Variants in TAFA5 observed in about 807,000 individuals in gnomAD.
TAFA5 encodes the protein TAFA chemokine like family member 5.
In TAFA5, 6 loss-of-function variants were observed where a neutral mutation model predicts 15.3. The observed-to-expected ratio is 0.39, with a 90% CI of 0.21 to 0.77. The LOEUF (loss-of-function observed/expected upper bound fraction) is 0.77, where lower values mean the gene tolerates loss of function less well. Ranked by LOEUF, TAFA5 falls within the 30% of genes least tolerant of loss-of-function variation. TAFA5 has a pLI of 0.41. For synonymous variants in TAFA5, 103 were observed against 80.7 expected (o/e 1.28, Z -1.48); for missense variants, 161 against 193.1 (o/e 0.83, Z 0.98).
At chr22:48,743,860 G>A (rs775512387) in intron 3 of TAFA5, among the ~76,000 whole-genome samples, 2 of 152,208 alleles carry the variant, frequency 1.3e-5, no homozygotes, top group Admixed American at 6.5e-5. Flanking sequence ...TGATCCGTCC[G>A]CACATTCCTC....
intron 2 of TAFA5, among the ~76,000 whole-genome samples, chr22:48,700,554 G>A (rs1928873057): frequency 2.6e-5 from 4 of 152,216 alleles, no homozygotes; most frequent in Admixed American, 2.6e-4. Context: ...GAAAGGAGGG[G>A]AGCGGAAGCG....
At chr22:48,700,639 G>A (rs1234099323) in intron 2 of TAFA5, among the ~76,000 whole-genome samples, 1 of 152,174 alleles carries the variant, frequency 6.6e-6, no homozygotes, top group African/African-American at 2.4e-5. Flanking sequence ...GTGTGCACGT[G>A]GATGTGCATG....
chr22:48,644,036 C>T lies in TAFA5; in HGVS notation c.113-2561C>T, dbSNP rs575338157. On this transcript the variant is annotated intron_variant, in intron 1 of 3. Coordinates refer to ENST00000402357, the MANE Select transcript of TAFA5 (RefSeq NM_001082967.3). ...GTGTTGCCCCACAGCATGGCTTTGA[C>T]GCAGTAACCGCTGTTATCCAGAGAG... 5.3e-5 allele frequency among the ~76,000 whole-genome samples: 8 copies of T among 152,356 alleles called. No individual in the cohort carries two copies. The East Asian group carries it at 9.6e-4, about 18-fold the overall frequency.
At chr22:48,605,742 C>T (rs977060486) in intron 1 of TAFA5, among the ~76,000 whole-genome samples, 2 of 152,142 alleles carry the variant, frequency 1.3e-5, no homozygotes, top group Admixed American at 6.5e-5. Flanking sequence ...CTTTGCCCCT[C>T]TCACCCTGTG....
intron 2 of TAFA5, among the ~76,000 whole-genome samples, chr22:48,689,061 C>T (rs1301393960): frequency 6.6e-6 from 1 of 150,912 alleles, no homozygotes; most frequent in Admixed American, 6.6e-5. Flanking sequence ...CTAAGCACAA[C>T]ATGAAATGGC....
At chr22:48,570,634 G>A (rs1398964198) in intron 1 of TAFA5, among the ~76,000 whole-genome samples, 1 of 152,180 alleles carries the variant, frequency 6.6e-6, no homozygotes, top group Non-Finnish European at 1.5e-5. Context: ...TTTGAACAGT[G>A]AAAAACACGG....
At position 48,674,720 on chromosome 22, in the gene TAFA5, AG is replaced by A. The variant is rs368745679; in HGVS notation, c.262+27980del. 2.4e-4 allele frequency among the ~76,000 whole-genome samples: 36 copies of A among 152,104 alleles called. No homozygotes were observed. In the South Asian group the frequency reaches 3.3e-3, roughly 14 times the overall value. On this transcript the variant is annotated intron_variant, in intron 2 of 3. Coordinates refer to ENST00000402357, the MANE Select transcript of TAFA5 (RefSeq NM_001082967.3). ...CCTCGTTCAGGGAGACGCCGTGGGG[AG>A]GGGGGCCACCTTAGCTTGCCCGTTG...
intron 2 of TAFA5, among the ~76,000 whole-genome samples, chr22:48,665,534 C>G (rs539114164): frequency 3.6e-4 from 43 of 118,164 alleles, no homozygotes; most frequent in African/African-American, 1.5e-3. Context: ...TTGGGTCTAC[C>G]AGCCGTTTCT....
chr22:48,539,804 C>T (rs985737099), intron 1 of TAFA5, among the ~76,000 whole-genome samples: 6 of 152,200 alleles, frequency 3.9e-5, no homozygotes, highest in East Asian at 1.9e-4. Context: ...ACCCCCAGGA[C>T]GTGATACGTC....
At chr22:48,698,355 T>C (rs1928793224) in intron 2 of TAFA5, among the ~76,000 whole-genome samples, 1 of 150,586 alleles carries the variant, frequency 6.6e-6, no homozygotes, top group East Asian at 2.0e-4. Context: ...GCATCCCAGC[T>C]ACTCAGGAGG....
At chr22:48,696,072 C>T (rs1928701866) in intron 2 of TAFA5, among the ~76,000 whole-genome samples, 1 of 152,172 alleles carries the variant, frequency 6.6e-6, no homozygotes, top group Non-Finnish European at 1.5e-5. Context: ...CCGTAGAATT[C>T]AGAGGCATGT....
chr22:48,628,795 A>G lies in TAFA5; in HGVS notation c.113-17802A>G, dbSNP rs187152687. The stretch of plus-strand genomic sequence containing the variant: ...TGCTGCAAACAGCTCCGCGGCCACC[A>G]ACAGTTATGGGAAGTATCAGACACA... On this transcript the variant is annotated intron_variant, in intron 1 of 3. Coordinates refer to ENST00000402357, the MANE Select transcript of TAFA5 (RefSeq NM_001082967.3). Among the ~76,000 whole-genome samples the G allele has an allele frequency of 2.4e-3, 368 of 152,310 alleles. 2 individuals carry two copies. The highest frequency in any genetic ancestry group is 0.017 in the Admixed American group (255 of 15,310).
intron 1 of TAFA5, among the ~76,000 whole-genome samples, chr22:48,645,290 T>C (rs963347134): frequency 6.6e-6 from 1 of 152,120 alleles, no homozygotes; most frequent in Non-Finnish European, 1.5e-5. Flanking sequence ...ACTGTCTTTA[T>C]TTGTCAGTGT....
chr22:48,584,451 G>C (rs952589949), intron 1 of TAFA5, among the ~76,000 whole-genome samples: 2 of 130,464 alleles, frequency 1.5e-5, no homozygotes, highest in Non-Finnish European at 1.6e-5. Flanking sequence ...CACCACACAC[G>C]TACACACCAC....
At chr22:48,585,632 ACAT>A (rs1309905796) in intron 1 of TAFA5, among the ~76,000 whole-genome samples, 2 of 151,474 alleles carry the variant, frequency 1.3e-5, no homozygotes, top group South Asian at 4.2e-4. Flanking sequence ...CACACACTAG[ACAT>A]CACACACACA....
intron 1 of TAFA5, among the ~76,000 whole-genome samples, chr22:48,570,331 C>T (rs1047600745): frequency 2.6e-5 from 4 of 152,208 alleles, no homozygotes; most frequent in Non-Finnish European, 4.4e-5. Context: ...AATTTATCTA[C>T]ATTGTTTTTA....
intron 1 of TAFA5, among the ~76,000 whole-genome samples, chr22:48,620,496 G>A (rs1925761458): frequency 6.6e-6 from 1 of 151,726 alleles, no homozygotes; most frequent in Non-Finnish European, 1.5e-5. Flanking sequence ...TCAGAGAAGG[G>A]AACAGTTTCT....
At chr22:48,665,944 G>A (rs977449429) in intron 2 of TAFA5, among the ~76,000 whole-genome samples, 15 of 152,044 alleles carry the variant, frequency 9.9e-5, no homozygotes, top group African/African-American at 3.4e-4. Flanking sequence ...TGCCCCCAAC[G>A]CCCCCATCGC....
rs557024156 is a variant in TAFA5, at chr22:48,742,798, G to A, written c.391-7041G>A. ...GTATTAGAAGAGGAGAGATGGCCTG[G>A]GGTGCTCAGCGGGGCTGAGTCCCCA... is the stretch of plus-strand genomic sequence containing the variant. On this transcript the variant is annotated intron_variant, in intron 3 of 3. Coordinates refer to ENST00000402357, the MANE Select transcript of TAFA5 (RefSeq NM_001082967.3). This position sits in a 1 kb window ranked among gnomAD's most constrained non-coding sequence, Gnocchi z 6.2. Among the ~76,000 whole-genome samples the A allele has an allele frequency of 1.3e-5, 2 of 152,288 alleles. No homozygotes were observed. Among genetic ancestry groups the A allele is most frequent in the South Asian group, 4.1e-4 (2 of 4,826 alleles).
Sources: gnomAD v4.1 joint callset for allele counts (sites outside exome capture counted in the v4.1 genomes callset) on GRCh38, gnomAD v4.1.1 for gene constraint, Gnocchi (gnomAD v3.1) non-coding constraint, MANE v1.5 for transcripts, NCBI Gene and HGNC (gene_info 2026-07-23, HGNC 2026-07-21) for gene names.